The following EYA4 variants were observed in gnomAD, a reference collection of about 807,000 sequenced individuals.
The protein encoded by EYA4 is protein phosphatase EYA4.
In EYA4, 31 loss-of-function variants were observed where a neutral mutation model predicts 87.9. The ratio of observed to expected loss-of-function variants is 0.35; its 90% confidence interval spans 0.27 to 0.48. The LOEUF is 0.48. EYA4 is among the 20% of genes least tolerant of loss of function. EYA4 has a pLI of 0.99. For missense variants in EYA4, 678 were observed against 761.4 expected, an observed-to-expected ratio of 0.89 and a Z score of 1.29; for synonymous variants, 263 against 270.6, an observed-to-expected ratio of 0.97 and a Z score of 0.28.
chr6:133,506,125 C>A lies in EYA4; in HGVS notation c.1211C>A (p.Thr404Asn), dbSNP rs1230427006. 6.2e-7 allele frequency: 1 copy of A among 1,608,752 alleles called. No homozygotes were observed. The change falls in exon 14 of 20, where the codon ACC (threonine) becomes AAC (asparagine). Residue 404 changes from threonine (T) to asparagine (N), a missense_variant. Physicochemically the swap from Thr to Asn is moderately conservative, Grantham distance 65. Coordinates refer to ENST00000355286, the MANE Select transcript of EYA4 (RefSeq NM_004100.5). ...KYGKDPPMAV[T>N]LGLRMEEMIF... Reference sequence around the variant, plus strand: ...TTACAGGATCCCCCCATGGCTGTAACCCTTGGACTCCGCATGGAAGAAATG... The same window carrying A: ...TTACAGGATCCCCCCATGGCTGTAAACCTTGGACTCCGCATGGAAGAAATG...
intron 3 of EYA4, among the ~76,000 whole-genome samples, chr6:133,404,042 G>A (rs994681941): frequency 1.2e-4 from 18 of 152,156 alleles, no homozygotes; most frequent in African/African-American, 4.1e-4. Context: ...TCAAACTCCC[G>A]ACCTCAGGTG....
chr6:133,525,480 T>G (rs1293125621), intron 19 of EYA4, among the ~76,000 whole-genome samples: 1 of 152,194 alleles, frequency 6.6e-6, no homozygotes, highest in East Asian at 1.9e-4. Flanking sequence ...TTATATTTAT[T>G]TATGTGTTTG....
intron 3 of EYA4, among the ~76,000 whole-genome samples, chr6:133,398,369 A>G (rs1787980568): frequency 6.6e-6 from 1 of 152,210 alleles, no homozygotes; most frequent in Non-Finnish European, 1.5e-5. Flanking sequence ...AAAGAATTTT[A>G]TGCAATAGAC....
chr6:133,356,960 GT>G (rs1784098127), intron 2 of EYA4, among the ~76,000 whole-genome samples: 1 of 151,758 alleles, frequency 6.6e-6, no homozygotes, highest in African/African-American at 2.4e-5. Flanking sequence ...TATTTTAAGA[GT>G]TTATTTTCCA....
At chr6:133,356,731 G>T (rs1784064990) in intron 2 of EYA4, among the ~76,000 whole-genome samples, 1 of 149,390 alleles carries the variant, frequency 6.7e-6, no homozygotes, top group African/African-American at 2.5e-5. Context: ...CATTTGAAGT[G>T]TCAAAGCATT....
At chr6:133,494,987 C>T (rs538658181) in intron 13 of EYA4, among the ~76,000 whole-genome samples, 36 of 152,124 alleles carry the variant, frequency 2.4e-4, no homozygotes, top group Admixed American at 8.5e-4. Flanking sequence ...TATCTCATGA[C>T]GCCAGGTGCG....
At chr6:133,258,770 T>A (rs1055240717) in intron 1 of EYA4, among the ~76,000 whole-genome samples, 31 of 152,100 alleles carry the variant, frequency 2.0e-4, no homozygotes, top group Admixed American at 2.0e-3. Flanking sequence ...CCCTGGGAGA[T>A]GAACTTGTAG....
At chr6:133,493,351 C>G (rs896824685) in intron 13 of EYA4, among the ~76,000 whole-genome samples, 4 of 152,150 alleles carry the variant, frequency 2.6e-5, no homozygotes, top group African/African-American at 9.7e-5. Flanking sequence ...GGGGAGAGAA[C>G]AGTCTCTTCA....
At chr6:133,458,260 T>G (rs1794075661) in intron 6 of EYA4, among the ~76,000 whole-genome samples, 1 of 152,200 alleles carries the variant, frequency 6.6e-6, no homozygotes, top group African/African-American at 2.4e-5. Context: ...TTTTGTTTTT[T>G]ATTTTCATTT....
chr6:133,509,558 A>T (rs1798957398), intron 14 of EYA4, among the ~76,000 whole-genome samples: 1 of 152,224 alleles, frequency 6.6e-6, no homozygotes, highest in Admixed American at 6.5e-5. Flanking sequence ...CCAACTGCAG[A>T]GAAGGCAGAT....
intron 2 of EYA4, among the ~76,000 whole-genome samples, chr6:133,380,452 A>C (rs1046512919): frequency 6.6e-6 from 1 of 152,140 alleles, no homozygotes; most frequent in Non-Finnish European, 1.5e-5. Context: ...TAAAGACTAA[A>C]AAAAGTTAAA....
intron 3 of EYA4, among the ~76,000 whole-genome samples, chr6:133,424,952 C>G (rs1444015471): frequency 6.6e-6 from 1 of 150,786 alleles, no homozygotes; most frequent in Non-Finnish European, 1.5e-5. Flanking sequence ...ATCACTACCA[C>G]CTTCCTCCCT....
rs188085959 is a variant in EYA4, at chr6:133,275,110, G to A, written c.33+297G>A. On this transcript the variant is annotated intron_variant, in intron 2 of 19. Transcript: ENST00000355286. ...AGACAGTCTAAACAATTTTATATACGTCCTTTATTATTTTATTTCAGATAT... is the reference window on the plus strand; with the variant it reads ...AGACAGTCTAAACAATTTTATATACATCCTTTATTATTTTATTTCAGATAT... Among the ~76,000 whole-genome samples, 170 of 152,034 alleles carry A rather than the reference G, an allele frequency of 1.1e-3. 3 individuals carry two copies. The highest frequency in any genetic ancestry group is 0.011 in the Admixed American group (165 of 15,254).
At chr6:133,353,711 C>T (rs1272576814) in intron 2 of EYA4, among the ~76,000 whole-genome samples, 1 of 152,120 alleles carries the variant, frequency 6.6e-6, no homozygotes, top group Non-Finnish European at 1.5e-5. Context: ...CCAAACACAT[C>T]CTCTTGAAAG....
chr6:133,461,102 TG>T lies in EYA4; in HGVS notation c.371-11del, dbSNP rs778455606. ...GCAACCTTTGGTGCACTGGTATTTT[TG>T]TGTCTTACAGTAATTACAAGTAGTG... On this transcript the variant is annotated splice_polypyrimidine_tract_variant and intron_variant, in intron 6 of 19. Coordinates refer to ENST00000355286, the MANE Select transcript of EYA4 (RefSeq NM_004100.5). 5.6e-6 allele frequency: 9 copies of T among 1,600,140 alleles called. No individual in the cohort carries two copies. In the South Asian group the frequency reaches 6.6e-5, roughly 12 times the overall value.
intron 2 of EYA4, among the ~76,000 whole-genome samples, chr6:133,372,952 G>A (rs1785390189): frequency 6.6e-6 from 1 of 151,692 alleles, no homozygotes; most frequent in African/African-American, 2.4e-5. Context: ...TTAAAGTTTA[G>A]GCATATATAT....
At chr6:133,397,715 A>G (rs931770472) in intron 3 of EYA4, among the ~76,000 whole-genome samples, 1 of 152,224 alleles carries the variant, frequency 6.6e-6, no homozygotes, top group African/African-American at 2.4e-5. Flanking sequence ...TTACAAAATA[A>G]AGAGGTTTAA....
intron 13 of EYA4, among the ~76,000 whole-genome samples, chr6:133,486,310 T>C (rs1463670463): frequency 6.6e-6 from 1 of 151,458 alleles, no homozygotes; most frequent in Non-Finnish European, 1.5e-5. Context: ...AATAATATCT[T>C]GGCATATTGA....
Position 133,531,054 on chromosome 6 carries a change from G to A in EYA4, c.*2249G>A, listed in dbSNP as rs1282347514. ...GAATTGTGGCATTACATCTAAATTT[G>A]TAAGTCTTTTCATATCAAACAAGCA... On this transcript the variant is annotated 3_prime_UTR_variant, in exon 20 of 20. Transcript: ENST00000355286. 1 of 1,394,792 alleles carries A rather than the reference G, an allele frequency of 7.2e-7. No individual in the cohort carries two copies. The highest frequency in any genetic ancestry group is 1.4e-5 in the African/African-American group (1 of 69,046). The allele number at this position is 1,394,792 out of a possible 1,614,324, so 86.4% of individuals were successfully genotyped here.
Sources: allele counts gnomAD v4.1 joint callset (sites outside exome capture counted in the v4.1 genomes callset), GRCh38; gene constraint gnomAD v4.1.1; transcripts MANE v1.5; gene names NCBI Gene and HGNC (gene_info 2026-07-23, HGNC 2026-07-21).